USH2A: variants seen among roughly 807,000 people sequenced by gnomAD.
USH2A encodes Usher syndrome 2A (autosomal recessive, mild).
Under a neutral mutation model 538.9 loss-of-function variants are expected in USH2A, and 443 were observed. The ratio of observed to expected loss-of-function variants is 0.82; its 90% CI spans 0.76 to 0.89. The LOEUF is 0.89. Ranked by LOEUF, USH2A falls within the 40% of genes least tolerant of loss-of-function variation. The probability of loss-of-function intolerance (pLI) is 0.00; values close to 1 mark genes in which losing one functional copy is unlikely to be tolerated. For synonymous variants in USH2A, 2,413 were observed against 2,273.5 expected, an observed-to-expected ratio of 1.06 and a Z score of -1.75; for missense variants, 6,633 against 6,324.8, an observed-to-expected ratio of 1.05 and a Z score of -1.65.
At chr1:216,205,427 T>G (rs979746544) in intron 16 of USH2A, among the ~76,000 whole-genome samples, 1 of 152,162 alleles carries the variant, frequency 6.6e-6, no homozygotes, top group African/African-American at 2.4e-5. Context: ...TCCATTAACT[T>G]TAAAGAAGAC....
intron 37 of USH2A, among the ~76,000 whole-genome samples, chr1:215,939,571 C>G (rs544089960): frequency 6.6e-6 from 1 of 152,066 alleles, no homozygotes; most frequent in East Asian, 1.9e-4. Context: ...AGTAGAAAAT[C>G]TATGCAATTA....
Position 216,072,932 on chromosome 1 carries a change from A to G in USH2A, c.5814T>C (p.Gly1938=), listed in dbSNP as rs2031607310. The part of the protein sequence containing the change: ...LYRVIASHEG[G]SVYSDWSRGR... The stretch of plus-strand genomic sequence containing the variant: ...CTCGACTCCAATCACTATATACTGA[A>G]CCTCCTTCATGCGAGGCTATCACTC... The change falls in exon 29 of 72, where the codon GGT becomes GGC. Residue 1938 remains glycine (G), a synonymous_variant. Transcript: ENST00000307340. 6.2e-7 allele frequency: 1 copy of G among 1,613,752 alleles called. No individual in the cohort carries two copies. Among genetic ancestry groups the G allele is most frequent in the Non-Finnish European group, 8.5e-7 (1 of 1,179,876 alleles).
At chr1:215,630,408 A>ATG (rs1163424504) in intron 70 of USH2A, 11 of 383,748 alleles carry the variant, frequency 2.9e-5, no homozygotes, top group Admixed American at 2.4e-4. Flanking sequence ...ATATGTATAT[A>ATG]TGTGTGTGTA....
At chr1:215,641,443 G>T (rs968838228) in intron 67 of USH2A, among the ~76,000 whole-genome samples, 1 of 152,116 alleles carries the variant, frequency 6.6e-6, no homozygotes, top group Non-Finnish European at 1.5e-5. Context: ...AAGCAACTTT[G>T]TGTGCATTTC....
chr1:215,850,671 G>T (rs1853809), intron 44 of USH2A, among the ~76,000 whole-genome samples: 2 of 152,056 alleles, frequency 1.3e-5, no homozygotes, highest in South Asian at 4.1e-4. Flanking sequence ...AATGGACTTA[G>T]AGTATACCCT....
chr1:215,979,612 G>C (rs77504925), intron 35 of USH2A, among the ~76,000 whole-genome samples: 2,096 of 152,226 alleles, frequency 0.014, 49 homozygotes, highest in African/African-American at 0.046. Context: ...ATAGGAAGTA[G>C]TCGTGAATGA....
At chr1:216,230,667 AGGG>A (rs1002290687) in intron 14 of USH2A, among the ~76,000 whole-genome samples, 2 of 152,242 alleles carry the variant, frequency 1.3e-5, no homozygotes, top group Admixed American at 1.3e-4. Flanking sequence ...GGCAGGCAGC[AGGG>A]GGGCAATGAG....
chr1:215,872,202 TTTGTGGG>T (rs1418918439), intron 43 of USH2A, among the ~76,000 whole-genome samples: 4 of 152,296 alleles, frequency 2.6e-5, no homozygotes, highest in African/African-American at 9.6e-5. Flanking sequence ...CTTCAAATCT[TTTGTGGG>T]AATAGCAAAC....
At chr1:216,003,148 A>G (rs2102485404) in intron 32 of USH2A, among the ~76,000 whole-genome samples, 1 of 152,226 alleles carries the variant, frequency 6.6e-6, no homozygotes, top group Admixed American at 6.5e-5. Flanking sequence ...ATGGGAAGTG[A>G]GTATACTTAG....
chr1:215,632,128 T>A (rs1022096334), intron 70 of USH2A, among the ~76,000 whole-genome samples: 11 of 152,190 alleles, frequency 7.2e-5, no homozygotes, highest in Admixed American at 7.2e-4. Context: ...AGTGGCGTGA[T>A]CTCGGTTCAC....
intron 21 of USH2A, among the ~76,000 whole-genome samples, chr1:216,126,856 T>A (rs2033264135): frequency 6.6e-6 from 1 of 152,216 alleles, no homozygotes; most frequent in Non-Finnish European, 1.5e-5. Flanking sequence ...ATATTGTTTC[T>A]ATTGTATTGT....
At chr1:215,660,463 C>T (rs1011202294) in intron 64 of USH2A, among the ~76,000 whole-genome samples, 7 of 152,190 alleles carry the variant, frequency 4.6e-5, no homozygotes, top group Middle Eastern at 3.4e-3. Context: ...TTAGTTGTTA[C>T]ACATTAATAA....
intron 67 of USH2A, among the ~76,000 whole-genome samples, chr1:215,646,201 C>G (rs1389199274): frequency 5.9e-5 from 9 of 152,028 alleles, no homozygotes; most frequent in African/African-American, 4.8e-5. Flanking sequence ...GGCATGTGAC[C>G]TGTGCTGTTG....
intron 8 of USH2A, among the ~76,000 whole-genome samples, 173 bp downstream of exon 8, chr1:216,323,301 T>TATATAA (rs1553250566): frequency 7.3e-6 from 1 of 137,130 alleles, no homozygotes; most frequent in African/African-American, 2.7e-5. Flanking sequence ...TATATATATA[T>TATATAA]AACAATGTTA....
At chr1:215,914,524 G>A (rs910972071) in intron 38 of USH2A, among the ~76,000 whole-genome samples, 1 of 152,076 alleles carries the variant, frequency 6.6e-6, no homozygotes, top group African/African-American at 2.4e-5. Context: ...TAACAACATT[G>A]ACATAGTTGT....
At chr1:216,011,289 A>T (rs1668560769) in intron 32 of USH2A, among the ~76,000 whole-genome samples, 1 of 152,056 alleles carries the variant, frequency 6.6e-6, no homozygotes, top group South Asian at 2.1e-4. Flanking sequence ...CCGTCATCCC[A>T]GCCTCTCTTT....
intron 44 of USH2A, among the ~76,000 whole-genome samples, chr1:215,863,632 GA>G (rs1386767742): frequency 6.6e-6 from 1 of 151,586 alleles, no homozygotes; most frequent in Non-Finnish European, 1.5e-5. Context: ...TGTGAGGAAG[GA>G]AGGAAAATAG....
intron 3 of USH2A, among the ~76,000 whole-genome samples, chr1:216,391,958 C>G (rs1290035036): frequency 6.6e-6 from 1 of 152,166 alleles, no homozygotes; most frequent in Non-Finnish European, 1.5e-5. Flanking sequence ...TTAAATCTCT[C>G]TATGCCTCAG....
At chr1:216,253,860 T>A (rs561463536) in intron 11 of USH2A, among the ~76,000 whole-genome samples, 2 of 152,190 alleles carry the variant, frequency 1.3e-5, no homozygotes, top group Non-Finnish European at 2.9e-5. Flanking sequence ...AGCTAGAGAT[T>A]TTCATTGGCA....
Sources: gnomAD v4.1 joint callset for allele counts (sites outside exome capture counted in the v4.1 genomes callset) on GRCh38, gnomAD v4.1.1 for gene constraint, MANE v1.5 for transcripts, NCBI Gene and HGNC (gene_info 2026-07-23, HGNC 2026-07-21) for gene names.